The following CHRM3 variants were observed in gnomAD, a reference collection of about 807,000 sequenced individuals.
The protein encoded by CHRM3 is muscarinic acetylcholine receptor M3.
CHRM3 carries 11 observed loss-of-function variants against 41.8 expected under a neutral mutation model. The observed-to-expected ratio is 0.26, with a 90% CI of 0.17 to 0.44. The LOEUF is 0.44. CHRM3 is among the 20% of genes least tolerant of loss of function. The pLI is 1.00. For synonymous variants in CHRM3, 297 were observed against 301.4 expected, an observed-to-expected ratio of 0.99 and a Z score of 0.15; for missense variants, 571 against 745.4, an observed-to-expected ratio of 0.77 and a Z score of 2.72.
At chr1:239,452,371 G>T (rs1156679699) in intron 1 of CHRM3, among the ~76,000 whole-genome samples, 1 of 152,198 alleles carries the variant, frequency 6.6e-6, no homozygotes, top group African/African-American at 2.4e-5. Context: ...AGCTTCAGGA[G>T]GTTGAGACTG....
At chr1:239,545,007 G>T (rs1424028171) in intron 2 of CHRM3, among the ~76,000 whole-genome samples, 1 of 151,530 alleles carries the variant, frequency 6.6e-6, no homozygotes, top group African/African-American at 2.4e-5. Flanking sequence ...CTACATTGCA[G>T]ATTTGTGGTG....
intron 1 of CHRM3, among the ~76,000 whole-genome samples, chr1:239,458,895 C>A (rs577194547): frequency 6.7e-6 from 1 of 149,404 alleles, no homozygotes; most frequent in Non-Finnish European, 1.5e-5. Context: ...AGACCCCCCC[C>A]CATCAGGGTG....
chr1:239,716,215 C>T (rs943879568), intron 5 of CHRM3, among the ~76,000 whole-genome samples: 9 of 151,940 alleles, frequency 5.9e-5, no homozygotes, highest in African/African-American at 2.2e-4. Context: ...GAAAGTGATA[C>T]TTTTAGGGGA....
At chr1:239,752,760 A>G (rs1665935822) in intron 5 of CHRM3, among the ~76,000 whole-genome samples, 1 of 152,232 alleles carries the variant, frequency 6.6e-6, no homozygotes, top group African/African-American at 2.4e-5. Context: ...TTTTTCTAAT[A>G]TGGAAAATTC....
At chr1:239,689,923 A>C (rs1233934562) in intron 5 of CHRM3, among the ~76,000 whole-genome samples, 1 of 152,126 alleles carries the variant, frequency 6.6e-6, no homozygotes, top group Non-Finnish European at 1.5e-5. Context: ...CAGGGAGATC[A>C]CATGGAGTGA....
At chr1:239,666,700 C>T (rs982546393) in intron 4 of CHRM3, among the ~76,000 whole-genome samples, 7 of 151,956 alleles carry the variant, frequency 4.6e-5, no homozygotes, top group East Asian at 1.9e-4. Context: ...ATTTTAGATT[C>T]GGGGGTACAT....
At chr1:239,398,408 G>T (rs1466400688) in intron 1 of CHRM3, among the ~76,000 whole-genome samples, 2 of 151,562 alleles carry the variant, frequency 1.3e-5, no homozygotes, top group African/African-American at 4.8e-5. Flanking sequence ...GCTAATTTTT[G>T]TATTTTTGGT....
In CHRM3 at chr1:239,909,134, C is replaced by T; in HGVS notation, c.1683C>T (p.Cys561=). The change falls in exon 7 of 7, where the codon TGC becomes TGT. Residue 561 remains cysteine (C), a synonymous_variant. Coordinates refer to ENST00000676153, the MANE Select transcript of CHRM3 (RefSeq NM_001375978.1). ...CCACTTTCAAGATGCTGCTGCTGTG[C>T]CAGTGTGACAAAAAAAAGAGGCGCA... The part of the protein sequence containing the change: ...FRTTFKMLLL[C]QCDKKKRRKQ... The T allele has an allele frequency of 6.2e-7, 1 of 1,614,036 alleles. No individual in the cohort carries two copies. Among genetic ancestry groups the T allele is most frequent in the South Asian group, 1.1e-5 (1 of 91,076 alleles).
In CHRM3 at chr1:239,584,400, A is replaced by G. The variant is rs1056314700; in HGVS notation, c.-313+38651A>G. ...ATTACAGGTGTGAGTCACTGCCACT[A>G]TGCTTTGCCTAGAATAATTATTTTG... On this transcript the variant is annotated intron_variant, in intron 3 of 6. Coordinates refer to ENST00000676153, the MANE Select transcript of CHRM3 (RefSeq NM_001375978.1). 1.5e-4 allele frequency among the ~76,000 whole-genome samples: 23 copies of G among 152,120 alleles called. 1 individual carries two copies. The highest frequency in any genetic ancestry group is 5.9e-5 in the Non-Finnish European group (4 of 67,998).
rs564950987 is a variant in CHRM3 at position 239,807,345 on chromosome 1, G to A, written c.-146-19907G>A. Among the ~76,000 whole-genome samples, 6 of 152,150 alleles carry A rather than the reference G, an allele frequency of 3.9e-5. No individual in the cohort carries two copies. In the South Asian group the frequency reaches 1.2e-3, roughly 32 times the overall value. Reference sequence around the variant, plus strand: ...TGGCAAGAATAATGTTTACAGATTGGCACAACCTGAAAAAGTCACCTTGTT... The same window carrying A: ...TGGCAAGAATAATGTTTACAGATTGACACAACCTGAAAAAGTCACCTTGTT... On this transcript the variant is annotated intron_variant, in intron 5 of 6. Transcript: ENST00000676153.
intron 5 of CHRM3, among the ~76,000 whole-genome samples, chr1:239,786,727 G>A (rs1668930235): frequency 1.0e-5 from 1 of 97,174 alleles, no homozygotes; most frequent in South Asian, 3.0e-4. Context: ...AGCGAGGCAT[G>A]CTGCTGAAGG....
chr1:239,622,375 T>A (rs1288271717), intron 3 of CHRM3, among the ~76,000 whole-genome samples: 1 of 152,184 alleles, frequency 6.6e-6, no homozygotes, highest in African/African-American at 2.4e-5. Context: ...TGCCATAGAT[T>A]CTTGTGATGG....
chr1:239,781,186 C>G (rs1011078684), intron 5 of CHRM3, among the ~76,000 whole-genome samples: 3 of 152,102 alleles, frequency 2.0e-5, no homozygotes. Context: ...ATCTAGAAAT[C>G]AAATGAGGAG....
intron 5 of CHRM3, among the ~76,000 whole-genome samples, chr1:239,747,886 A>C (rs1160231132): frequency 1.3e-5 from 2 of 152,122 alleles, no homozygotes; most frequent in African/African-American, 4.8e-5. Flanking sequence ...ACAGAAAAAA[A>C]ATTAGCTGGG....
chr1:239,597,341 G>T (rs939600849), intron 3 of CHRM3, among the ~76,000 whole-genome samples: 1 of 152,104 alleles, frequency 6.6e-6, no homozygotes, highest in Non-Finnish European at 1.5e-5. Flanking sequence ...CTATACACAA[G>T]GAAATTTATT....
intron 5 of CHRM3, among the ~76,000 whole-genome samples, chr1:239,692,089 C>T (rs1326132357): frequency 6.6e-6 from 1 of 152,186 alleles, no homozygotes; most frequent in Non-Finnish European, 1.5e-5. Context: ...AAGGGTCTTG[C>T]TCTTAGGCAT....
intron 1 of CHRM3, among the ~76,000 whole-genome samples, chr1:239,390,272 A>G (rs1375959250): frequency 6.6e-6 from 1 of 152,184 alleles, no homozygotes; most frequent in Non-Finnish European, 1.5e-5. Context: ...GATGCAATAT[A>G]TTTTTCATCT....
At position 239,505,308 on chromosome 1, in the gene CHRM3, T is replaced by C. The variant is rs546770492; in HGVS notation, c.-422+12501T>C. Among the ~76,000 whole-genome samples the C allele has an allele frequency of 7.3e-5, 11 of 149,878 alleles. No homozygotes were observed. In the South Asian group the frequency reaches 2.4e-3, roughly 33 times the overall value. On this transcript the variant is annotated intron_variant, in intron 2 of 6. Transcript: ENST00000676153. ...TGATGATGATGATGATGATGATGAT[T>C]GATATGGTTTGGCTTTGTCCCCACC...
chr1:239,585,629 T>C (rs1330585255), intron 3 of CHRM3, among the ~76,000 whole-genome samples: 1 of 152,144 alleles, frequency 6.6e-6, no homozygotes, highest in East Asian at 1.9e-4. Flanking sequence ...CAGTTTGAGA[T>C]GGGAATAAAT....
Sources: allele counts gnomAD v4.1 joint callset (sites outside exome capture counted in the v4.1 genomes callset), GRCh38; gene constraint gnomAD v4.1.1; transcripts MANE v1.5; gene names NCBI Gene and HGNC (gene_info 2026-07-23, HGNC 2026-07-21).